Variants in CAMKMT observed in about 807,000 individuals in gnomAD.
CAMKMT encodes calmodulin-lysine N-methyltransferase, also known as CaM KMT.
In CAMKMT, 53 loss-of-function variants were observed where a neutral mutation model predicts 48.0. The ratio of observed to expected loss-of-function variants is 1.10; its 90% CI spans 0.89 to 1.39. The LOEUF (loss-of-function observed/expected upper bound fraction) is 1.39. Among genes scored for constraint, CAMKMT ranks in the 40% most tolerant of loss-of-function variants. The pLI is 0.00. For missense variants in CAMKMT, 428 were observed against 402.7 expected (o/e 1.06, Z -0.54); for synonymous variants, 165 against 152.3 (o/e 1.08, Z -0.61).
chr2:44,394,208 T>C (rs1026570966), intron 3 of CAMKMT, among the ~76,000 whole-genome samples: 15 of 152,162 alleles, frequency 9.9e-5, no homozygotes, highest in Non-Finnish European at 2.1e-4. Context: ...TGAAGCAGGA[T>C]TCCTGGCAAA....
intron 3 of CAMKMT, among the ~76,000 whole-genome samples, chr2:44,495,005 C>G (rs951738071): frequency 6.6e-6 from 1 of 152,126 alleles, no homozygotes; most frequent in Admixed American, 6.6e-5. Context: ...GTTGAATGAA[C>G]GTGAGATGTA....
At chr2:44,663,210 G>A (rs1186779784) in intron 3 of CAMKMT, among the ~76,000 whole-genome samples, 1 of 152,170 alleles carries the variant, frequency 6.6e-6, no homozygotes, top group African/African-American at 2.4e-5. Flanking sequence ...CCTTTATAGT[G>A]TTTTTGGAAG....
chr2:44,576,343 AAAAGAAAAG>A, intron 3 of CAMKMT, among the ~76,000 whole-genome samples: 1 of 150,806 alleles, frequency 6.6e-6, no homozygotes, highest in South Asian at 2.1e-4. Flanking sequence ...AAAAAAAAAA[AAAAGAAAAG>A]AAAAAGAAAG....
At chr2:44,708,355 T>C (rs1219674884) in intron 6 of CAMKMT, among the ~76,000 whole-genome samples, 1 of 151,818 alleles carries the variant, frequency 6.6e-6, no homozygotes, top group Non-Finnish European at 1.5e-5. Flanking sequence ...TTTCTGATTT[T>C]CTTTTTCGAC....
intron 3 of CAMKMT, among the ~76,000 whole-genome samples, chr2:44,684,135 A>C (rs1212282884): frequency 6.6e-6 from 1 of 152,194 alleles, no homozygotes; most frequent in Non-Finnish European, 1.5e-5. Flanking sequence ...TCACAATAAC[A>C]TGAACTCTTT....
intron 3 of CAMKMT, among the ~76,000 whole-genome samples, chr2:44,513,920 ATG>A (rs1196081075): frequency 5.3e-5 from 8 of 151,894 alleles, no homozygotes; most frequent in Non-Finnish European, 1.2e-4. Context: ...GGGCAACATG[ATG>A]AAACCCCGTC....
At chr2:44,759,448 T>A (rs745788895) in intron 9 of CAMKMT, among the ~76,000 whole-genome samples, 1 of 152,136 alleles carries the variant, frequency 6.6e-6, no homozygotes, top group Non-Finnish European at 1.5e-5. Context: ...TACTTTCTCA[T>A]CTTTTTTTTT....
intron 2 of CAMKMT, among the ~76,000 whole-genome samples, chr2:44,374,168 A>C (rs990538893): frequency 6.6e-6 from 1 of 151,966 alleles, no homozygotes; most frequent in African/African-American, 2.4e-5. Context: ...ATGCCAAATA[A>C]AATATATAAA....
chr2:44,665,219 C>T (rs1421813251), intron 3 of CAMKMT, among the ~76,000 whole-genome samples: 11 of 152,050 alleles, frequency 7.2e-5, no homozygotes, highest in East Asian at 3.9e-4. Flanking sequence ...TACAGGCACC[C>T]GCCATCATGC....
At chr2:44,535,313 G>A (rs991101191) in intron 3 of CAMKMT, among the ~76,000 whole-genome samples, 1 of 152,022 alleles carries the variant, frequency 6.6e-6, no homozygotes, top group Non-Finnish European at 1.5e-5. Context: ...TCTACCAAAT[G>A]TATAAAGAAG....
At chr2:44,507,302 A>G (rs1670310989) in intron 3 of CAMKMT, among the ~76,000 whole-genome samples, 1 of 152,220 alleles carries the variant, frequency 6.6e-6, no homozygotes, top group African/African-American at 2.4e-5. Flanking sequence ...TTCAATTTTG[A>G]AACTCAGACC....
chr2:44,600,184 C>A (rs1361832875), intron 3 of CAMKMT, among the ~76,000 whole-genome samples: 3 of 152,110 alleles, frequency 2.0e-5, no homozygotes, highest in East Asian at 3.9e-4. Flanking sequence ...AAACTCTGCT[C>A]ATAATAACAG....
intron 9 of CAMKMT, among the ~76,000 whole-genome samples, chr2:44,756,480 A>T (rs1680385611): frequency 6.6e-6 from 1 of 152,192 alleles, no homozygotes; most frequent in Non-Finnish European, 1.5e-5. Context: ...AGTGGCTCAC[A>T]CTTGTAATCC....
At chr2:44,463,338 A>C (rs1048697135) in intron 3 of CAMKMT, among the ~76,000 whole-genome samples, 5 of 152,236 alleles carry the variant, frequency 3.3e-5, no homozygotes, top group Admixed American at 1.3e-4. Context: ...CACCCTAGGC[A>C]GGATCAAAGC....
chr2:44,401,027 C>T (rs1279019711), intron 3 of CAMKMT: 1 of 149,778 alleles, frequency 6.7e-6, no homozygotes, highest in East Asian at 2.0e-4. Context: ...TAGATTGGAA[C>T]AGAAAGAGCA....
chr2:44,563,826 T>C (rs1259743328), intron 3 of CAMKMT, among the ~76,000 whole-genome samples: 1 of 152,216 alleles, frequency 6.6e-6, no homozygotes, highest in African/African-American at 2.4e-5. Flanking sequence ...TATGGCTGCA[T>C]AGTATTCCGT....
At position 44,757,189 on chromosome 2, in the gene CAMKMT, C is replaced by G. The variant is rs115130949; in HGVS notation, c.762+3071C>G. Among the ~76,000 whole-genome samples the G allele has an allele frequency of 5.3e-3, 802 of 152,294 alleles. 11 individuals carry two copies. The highest frequency in any genetic ancestry group is 0.018 in the African/African-American group (765 of 41,560). ...AGGTTAATCCACATGAGATGTTTAT[C>G]CAGGGGGATGCTGGCTTGGCTGATG... On this transcript the variant is annotated intron_variant, in intron 9 of 10. Coordinates refer to ENST00000378494, the MANE Select transcript of CAMKMT (RefSeq NM_024766.5).
intron 3 of CAMKMT, among the ~76,000 whole-genome samples, chr2:44,675,078 A>ACGG (rs1675595504): frequency 1.5e-5 from 2 of 137,610 alleles, no homozygotes; most frequent in African/African-American, 5.5e-5. Context: ...ACCAACCTTA[A>ACGG]GGGGGGGAAA....
chr2:44,495,870 A>C (rs556582500), intron 3 of CAMKMT, among the ~76,000 whole-genome samples: 1 of 152,334 alleles, frequency 6.6e-6, no homozygotes, highest in South Asian at 2.1e-4. Flanking sequence ...GTTGCTTTTG[A>C]GTAGATCCAA....
Sources: allele counts gnomAD v4.1 joint callset (sites outside exome capture counted in the v4.1 genomes callset), GRCh38; gene constraint gnomAD v4.1.1; transcripts MANE v1.5; gene names NCBI Gene and HGNC (gene_info 2026-07-23, HGNC 2026-07-21).